Variants in LEFTY2 observed in about 807,000 individuals in gnomAD.
LEFTY2 encodes the protein left-right determination factor 2.
In LEFTY2, 10 loss-of-function variants were observed where a neutral mutation model predicts 26.4. The observed-to-expected ratio is 0.38, with a 90% confidence interval of 0.23 to 0.64. LEFTY2 has a LOEUF of 0.64. Ranked by LOEUF, LEFTY2 falls within the 30% of genes least tolerant of loss-of-function variation. The pLI is 0.56. For synonymous variants in LEFTY2, 204 were observed against 234.1 expected (o/e 0.87, Z 1.17); for missense variants, 407 against 502.1 (o/e 0.81, Z 1.81).
In LEFTY2 at chr1:225,937,521, C is replaced by A; in HGVS notation, c.1021G>T (p.Val341Phe). The change falls in exon 4 of 4, where the codon GTC becomes TTC. Residue 341 changes from valine (V) to phenylalanine (F), a missense_variant. By Grantham distance (50) the Val-to-Phe change is conservative. Transcript: ENST00000366820. ...KEGGRTRPQV[V>F]SLPNMRVQKC... is the part of the protein sequence containing the mutation. ...TGCACCCTCATGTTGGGCAGGCTGA[C>A]CACCTGGGGCCTGGTCCTGCCTCCC... is the stretch of plus-strand genomic sequence containing the variant. 1 of 1,613,914 alleles carries A rather than the reference C, an allele frequency of 6.2e-7. No homozygotes were observed. The highest frequency in any genetic ancestry group is 8.5e-7 in the Non-Finnish European group (1 of 1,180,038).
chr1:225,940,752 A>G, intron 1 of LEFTY2, 139 bp downstream of exon 1: 1 of 1,338,354 alleles, frequency 7.5e-7, no homozygotes, highest in East Asian at 2.3e-5. Context: ...GCTCCTCCTC[A>G]CTGCTCCTTG....
Position 225,939,306 on chromosome 1 carries a change from G to T in LEFTY2, c.737+55C>A, listed in dbSNP as rs1672239041. 3 of 1,611,158 alleles carry T rather than the reference G, an allele frequency of 1.9e-6. No homozygotes were observed. The highest frequency in any genetic ancestry group is 1.7e-6 in the Non-Finnish European group (2 of 1,178,994). On this transcript the variant is annotated intron_variant, in intron 3 of 3. Transcript: ENST00000366820. This position sits in a 1 kb window ranked among gnomAD's most constrained non-coding sequence, Gnocchi z 4.1. Reference sequence around the variant, plus strand: ...GTCCCCCAGACAGTCCTGGGGACGGGGGTCTGGACCACTCAGTGGCTGCTT... The same window carrying T: ...GTCCCCCAGACAGTCCTGGGGACGGTGGTCTGGACCACTCAGTGGCTGCTT...
chr1:225,939,117 C>T lies in LEFTY2; in HGVS notation c.737+244G>A, dbSNP rs1407422639. ...AAACTCCTGATCTTGTGATCCAGCC[C>T]GCCTCGGCCTCCCAAAGTGCTAGGA... is the stretch of plus-strand genomic sequence containing the variant. On this transcript the variant is annotated intron_variant, in intron 3 of 3. Transcript: ENST00000366820. The surrounding 1 kb of genome is among the most constrained non-coding windows in gnomAD (Gnocchi z 4.1). Among the ~76,000 whole-genome samples the T allele has an allele frequency of 6.6e-6, 1 of 151,864 alleles. No individual in the cohort carries two copies. The highest frequency in any genetic ancestry group is 2.4e-5 in the African/African-American group (1 of 41,348).
At chr1:225,938,009 T>C (rs1329399986) in intron 3 of LEFTY2, among the ~76,000 whole-genome samples, 1 of 151,928 alleles carries the variant, frequency 6.6e-6, no homozygotes, top group African/African-American at 2.4e-5. Context: ...GGTCTCCTAA[T>C]AGGCCAGACA....
In LEFTY2 at chr1:225,939,406, C is replaced by T. The variant is rs1228908579; in HGVS notation, c.692G>A (p.Gly231Glu). 6.2e-7 allele frequency: 1 copy of T among 1,613,148 alleles called. No individual in the cohort carries two copies. The highest frequency in any genetic ancestry group is 8.5e-7 in the Non-Finnish European group (1 of 1,179,718). The change falls in exon 3 of 4, where the codon GGG (glycine) becomes GAG (glutamate). Residue 231 changes from glycine (G) to glutamate (E), a missense_variant. Transcript: ENST00000366820. The surrounding 1 kb of genome is among the most constrained non-coding windows in gnomAD (Gnocchi z 4.1). ...GGTGTGCAGCTCCAGCTGGGGCTCC[C>T]CAAGCCCGGCTGGCGCCCCCTGCGA... ...FASQGAPAGL[G>E]EPQLELHTLD...
Position 225,939,867 on chromosome 1 carries a change from G to C in LEFTY2, c.386C>G (p.Ala129Gly). 1 of 1,546,178 alleles carries C rather than the reference G, an allele frequency of 6.5e-7. No individual in the cohort carries two copies. The highest frequency in any genetic ancestry group is 1.2e-5 in the South Asian group (1 of 85,410). The part of the protein sequence containing the change: ...RLFQEPVPKA[A>G]LHRHGRLSPR... ...GGACAGCCGCCCGTGCCTGTGCAGC[G>C]CGGCCTTGGGGACCGGCTCCTGGAA... Residue 129 changes from alanine (A) to glycine (G), a missense_variant, in exon 2 of 4, where the codon GCG becomes GGG. By Grantham distance (60) the Ala-to-Gly change is moderately conservative (BLOSUM62 0). Coordinates refer to ENST00000366820, the MANE Select transcript of LEFTY2 (RefSeq NM_003240.5). This position sits in a 1 kb window ranked among gnomAD's most constrained non-coding sequence, Gnocchi z 4.1.
Position 225,937,319 on chromosome 1 carries a change from G to A in LEFTY2, c.*122C>T, listed in dbSNP as rs983012278. The A allele has an allele frequency of 8.6e-6, 13 of 1,511,868 alleles. No homozygotes were observed. The highest frequency in any genetic ancestry group is 6.8e-5 in the Admixed American group (4 of 59,178). 93.7% of individuals were successfully genotyped at this position (1,511,868 alleles called of 1,614,324 possible). A position where few individuals can be genotyped will look rare whatever the true frequency, so the allele number is the denominator to read the frequency against. The stretch of plus-strand genomic sequence containing the variant: ...GACAGGAAATGGAAGGACACAGGGC[G>A]AAGGTCACACAGGAGCACTAAATTG... On this transcript the variant is annotated 3_prime_UTR_variant, in exon 4 of 4. Transcript: ENST00000366820.
rs145827598 is a variant in LEFTY2 at position 225,940,069 on chromosome 1, C to T, written c.251-67G>A. The T allele has an allele frequency of 3.4e-5, 54 of 1,591,466 alleles. No homozygotes were observed. In the African/African-American group the frequency reaches 5.7e-4, roughly 17 times the overall value. On this transcript the variant is annotated intron_variant, in intron 1 of 3. Transcript: ENST00000366820. ...AGCGGAGCTCTGAGGATGGCAGGGC[C>T]ACTGAGCTGGCAGCCAGGCCAGGAG...
Position 225,937,740 on chromosome 1 carries a change from T to A in LEFTY2, c.802A>T (p.Met268Leu). ...TTCATCCCCTGCAGGTCAATGTACATCTCCTGGCGGCAGCAGCGGGTGCCC... is the reference window on the plus strand; with the variant it reads ...TTCATCCCCTGCAGGTCAATGTACAACTCCTGGCGGCAGCAGCGGGTGCCC... The part of the protein sequence containing the change: ...TEGTRCCRQE[M>L]YIDLQGMKWA... The change falls in exon 4 of 4, where the codon ATG becomes TTG. Residue 268 changes from methionine (M) to leucine (L), a missense_variant. Transcript: ENST00000366820. The A allele has an allele frequency of 1.9e-6, 3 of 1,611,882 alleles. No homozygotes were observed. Among genetic ancestry groups the A allele is most frequent in the Non-Finnish European group, 2.5e-6 (3 of 1,178,416 alleles).
rs762458221 is a variant in LEFTY2 at position 225,939,417 on chromosome 1, T to G, written c.681A>C (p.Pro227=). ...KLVRFASQGA[P]AGLGEPQLEL... ...CCAGCTGGGGCTCCCCAAGCCCGGC[T>G]GGCGCCCCCTGCGAGGCAAAGCGGA... Residue 227 remains proline (P), a synonymous_variant, in exon 3 of 4, where the codon CCA becomes CCC. Transcript: ENST00000366820. The surrounding 1 kb of genome is among the most constrained non-coding windows in gnomAD (Gnocchi z 4.1). 1 of 1,612,448 alleles carries G rather than the reference T, an allele frequency of 6.2e-7. No individual in the cohort carries two copies. The highest frequency in any genetic ancestry group is 1.1e-5 in the South Asian group (1 of 90,992).
At chr1:225,940,045 G>C in intron 1 of LEFTY2, 43 bp from the exon 2 acceptor site, 1 of 1,595,002 alleles carries the variant, frequency 6.3e-7, no homozygotes, top group Admixed American at 1.7e-5. Flanking sequence ...CCGGACTCCA[G>C]CGGAGCTCTG....
chr1:225,937,250 T>C lies in LEFTY2; in HGVS notation c.*191A>G. ...ACTAGAGCTCAGCATCTGAGCTGCA[T>C]TATTTACTCACGTAAGTGCTTAGGA... is the stretch of plus-strand genomic sequence containing the variant. On this transcript the variant is annotated 3_prime_UTR_variant, in exon 4 of 4. Coordinates refer to ENST00000366820, the MANE Select transcript of LEFTY2 (RefSeq NM_003240.5). 1 of 787,774 alleles carries C rather than the reference T, an allele frequency of 1.3e-6. No individual in the cohort carries two copies. The highest frequency in any genetic ancestry group is 2.0e-6 in the Non-Finnish European group (1 of 489,780). 48.8% of individuals were successfully genotyped at this position (787,774 alleles called of 1,614,324 possible). A position where few individuals can be genotyped will look rare whatever the true frequency, so the allele number is the denominator to read the frequency against.
Position 225,939,655 on chromosome 1 carries a change from G to T in LEFTY2, c.498-55C>A. 1 of 1,612,096 alleles carries T rather than the reference G, an allele frequency of 6.2e-7. No individual in the cohort carries two copies. Among genetic ancestry groups the T allele is most frequent in the South Asian group, 1.1e-5 (1 of 91,070 alleles). On this transcript the variant is annotated intron_variant, in intron 2 of 3. Coordinates refer to ENST00000366820, the MANE Select transcript of LEFTY2 (RefSeq NM_003240.5). The surrounding 1 kb of genome is among the most constrained non-coding windows in gnomAD (Gnocchi z 4.1). ...CCAGCGCCGCTTGAGGGCGGGGACT[G>T]GGACGGGCCCCGAGGACCCTGCACC...
chr1:225,939,477 A>G lies in LEFTY2; in HGVS notation c.621T>C (p.His207=), dbSNP rs746743976. ...LLLQVSVQRE[H]LGPLASGAHK... ...GGGCGCCGGACGCCAGCGGGCCCAG[A>G]TGCTCCCTCTGCACCGACACCTGTA... The change falls in exon 3 of 4, where the codon CAT becomes CAC. Residue 207 remains histidine, a synonymous_variant. Transcript: ENST00000366820. The surrounding 1 kb of genome is among the most constrained non-coding windows in gnomAD (Gnocchi z 4.1). The G allele has an allele frequency of 8.7e-6, 14 of 1,611,042 alleles. No individual in the cohort carries two copies. The East Asian group carries it at 2.5e-4, about 28-fold the overall frequency.
chr1:225,937,480 G>A lies in LEFTY2; in HGVS notation c.1062C>T (p.Ala354=), dbSNP rs1347359610. 1 of 1,614,072 alleles carries A rather than the reference G, an allele frequency of 6.2e-7. No homozygotes were observed. Among genetic ancestry groups the A allele is most frequent in the Admixed American group, 1.7e-5 (1 of 60,030 alleles). Residue 354 remains alanine (A), a synonymous_variant, in exon 4 of 4, where the codon GCC becomes GCT. Coordinates refer to ENST00000366820, the MANE Select transcript of LEFTY2 (RefSeq NM_003240.5). The part of the protein sequence containing the change: ...PNMRVQKCSC[A]SDGALVPRRL... ...TCCTTGGCACGAGCGCCCCATCCGA[G>A]GCACAGCTGCACTTCTGCACCCTCA...
At position 225,939,707 on chromosome 1, in the gene LEFTY2, G is replaced by C; in HGVS notation, c.497+49C>G. 6.2e-7 allele frequency: 1 copy of C among 1,607,242 alleles called. No individual in the cohort carries two copies. Among genetic ancestry groups the C allele is most frequent in the Non-Finnish European group, 8.5e-7 (1 of 1,177,924 alleles). ...CCCCCTGCGTCCCCGCCCCCAAGCC[G>C]GGCCGAGCAGCCTCCTACTCCTGCC... is the stretch of plus-strand genomic sequence containing the variant. On this transcript the variant is annotated intron_variant, in intron 2 of 3. Transcript: ENST00000366820. This position sits in a 1 kb window ranked among gnomAD's most constrained non-coding sequence, Gnocchi z 4.1.
At chr1:225,938,079 G>C (rs373949523) in intron 3 of LEFTY2, among the ~76,000 whole-genome samples, 27 of 152,324 alleles carry the variant, frequency 1.8e-4, no homozygotes, top group South Asian at 6.2e-4. Flanking sequence ...TCCTCAGGTA[G>C]GTTCCAGCAT....
Position 225,939,287 on chromosome 1 carries a change from CAGA to C in LEFTY2, c.737+71_737+73del. On this transcript the variant is annotated intron_variant, in intron 3 of 3. Transcript: ENST00000366820. This position sits in a 1 kb window ranked among gnomAD's most constrained non-coding sequence, Gnocchi z 4.1. ...AGCCCACCGCCACCATCCGGTCCCC[CAGA>C]CAGTCCTGGGGACGGGGGTCTGGAC... 1 of 1,602,172 alleles carries C rather than the reference CAGA, an allele frequency of 6.2e-7. No individual in the cohort carries two copies. Among genetic ancestry groups the C allele is most frequent in the Non-Finnish European group, 8.5e-7 (1 of 1,175,086 alleles).
Position 225,939,661 on chromosome 1 carries a change from G to A in LEFTY2, c.498-61C>T, listed in dbSNP as rs552474765. 5.5e-4 allele frequency: 884 copies of A among 1,611,920 alleles called. 1 individual carries two copies. The highest frequency in any genetic ancestry group is 7.0e-4 in the Non-Finnish European group (830 of 1,179,672). On this transcript the variant is annotated intron_variant, in intron 2 of 3. Coordinates refer to ENST00000366820, the MANE Select transcript of LEFTY2 (RefSeq NM_003240.5). The surrounding 1 kb of genome is among the most constrained non-coding windows in gnomAD (Gnocchi z 4.1). ...CCGCTTGAGGGCGGGGACTGGGACG[G>A]GCCCCGAGGACCCTGCACCGCCCCC... is the stretch of plus-strand genomic sequence containing the variant.
Sources: gnomAD v4.1 joint callset for allele counts (sites outside exome capture counted in the v4.1 genomes callset) on GRCh38, gnomAD v4.1.1 for gene constraint, Gnocchi (gnomAD v3.1) non-coding constraint, MANE v1.5 for transcripts, NCBI Gene and HGNC (gene_info 2026-07-23, HGNC 2026-07-21) for gene names.